The following RBM45 variants were observed in gnomAD, a reference collection of about 807,000 sequenced individuals.
The protein encoded by RBM45 is RNA-binding protein 45.
In RBM45, 39 loss-of-function variants were observed where a neutral mutation model predicts 58.5. The observed-to-expected ratio is 0.67, with a 90% confidence interval of 0.52 to 0.87. RBM45 has a LOEUF of 0.87. Among genes scored for constraint, RBM45 ranks in the 40% least tolerant of loss-of-function variants. The pLI is 0.00. For synonymous variants in RBM45, 193 were observed against 203.0 expected, an observed-to-expected ratio of 0.95 and a Z score of 0.42; for missense variants, 481 against 581.6, an observed-to-expected ratio of 0.83 and a Z score of 1.78.
Position 178,120,455 on chromosome 2 carries a change from A to G in RBM45, c.673+46A>G, listed in dbSNP as rs1002569477. The G allele has an allele frequency of 3.3e-6, 5 of 1,525,764 alleles. No individual in the cohort carries two copies. The Middle Eastern group carries it at 1.1e-3, about 331-fold the overall frequency. The allele number at this position is 1,525,764 out of a possible 1,614,324, so 94.5% of individuals were successfully genotyped here. Reference sequence around the variant, plus strand: ...TTTAATAGTATAATGTAGTATATGCAATCTAATTTGGGTTTTAAAGAATAC... The same window carrying G: ...TTTAATAGTATAATGTAGTATATGCGATCTAATTTGGGTTTTAAAGAATAC... On this transcript the variant is annotated intron_variant, in intron 4 of 9. Coordinates refer to ENST00000286070, the MANE Select transcript of RBM45 (RefSeq NM_152945.4).
chr2:178,117,232 A>G (rs1048042214), intron 2 of RBM45, among the ~76,000 whole-genome samples: 2 of 152,196 alleles, frequency 1.3e-5, no homozygotes, highest in Non-Finnish European at 2.9e-5. Context: ...AAAAATAACA[A>G]ATACCAAAAA....
In RBM45 at chr2:178,112,696, C is replaced by T; in HGVS notation, c.150C>T (p.Asp50=). ...VLRERFSPFG[D]IQDIWVVRDK... ...GGGAGCGCTTCTCGCCTTTTGGCGA[C>T]ATCCAGGACATCTGGGTGGTGCGGG... Residue 50 remains aspartate (D), a synonymous_variant, in exon 1 of 10, where the codon GAC becomes GAT. Coordinates refer to ENST00000286070, the MANE Select transcript of RBM45 (RefSeq NM_152945.4). 6.2e-7 allele frequency: 1 copy of T among 1,614,234 alleles called. No individual in the cohort carries two copies. The highest frequency in any genetic ancestry group is 1.1e-5 in the South Asian group (1 of 91,088).
chr2:178,123,961 AT>A, intron 7 of RBM45, 49 bp downstream of exon 7: 1 of 1,543,974 alleles, frequency 6.5e-7, no homozygotes. Context: ...AGCATATAAA[AT>A]AAATGTGAAG....
chr2:178,138,518 A>G (rs1029622876), exon 4 of RBM45: 1 of 152,176 alleles, frequency 6.6e-6, no homozygotes, highest in African/African-American at 2.4e-5. Context: ...GAATGGAGCA[A>G]TGTCTGTAGT....
Position 178,118,072 on chromosome 2 carries a change from G to C in RBM45, c.441G>C (p.Glu147Asp). 1 of 1,611,050 alleles carries C rather than the reference G, an allele frequency of 6.2e-7. No individual in the cohort carries two copies. The highest frequency in any genetic ancestry group is 1.1e-5 in the South Asian group (1 of 90,702). ...TCTCTTAGGTGTATGGAGATATCGA[G>C]TATTGCAGCATTATTAAGAATAAAG... ...REKFKVYGDIEYCSIIKNKVT... is the reference protein window; with the variant it reads ...REKFKVYGDIDYCSIIKNKVT... The change falls in exon 3 of 10, where the codon GAG becomes GAC. Residue 147 changes from glutamate (E) to aspartate (D), a missense_variant. Glu to Asp is a conservative substitution (Grantham distance 45). Coordinates refer to ENST00000286070, the MANE Select transcript of RBM45 (RefSeq NM_152945.4).
At chr2:178,130,789 T>C (rs532055859), downstream of RBM45, among the ~76,000 whole-genome samples, 59 of 152,340 alleles carry the variant, frequency 3.9e-4, no homozygotes, top group Middle Eastern at 3.4e-3. Flanking sequence ...TAACTGAGTA[T>C]CTTATACTTG....
chr2:178,126,246 G>A, intron 9 of RBM45, 62 bp downstream of exon 9: 3 of 1,057,820 alleles, frequency 2.8e-6, no homozygotes, highest in Non-Finnish European at 1.3e-6. Context: ...AGGAATATGT[G>A]TAAGTACTTT....
chr2:178,136,668 G>C (rs982859202), exon 4 of RBM45: 2 of 152,220 alleles, frequency 1.3e-5, no homozygotes, highest in Non-Finnish European at 2.9e-5. Flanking sequence ...TTGGGGTCGG[G>C]GGGGTGCGGA....
chr2:178,125,890 G>A, intron 8 of RBM45, 94 bp from the exon 9 acceptor site: 1 of 877,248 alleles, frequency 1.1e-6, no homozygotes, highest in Non-Finnish European at 1.9e-6. Flanking sequence ...CTGGGGAGAA[G>A]GGTGAAAATG....
At chr2:178,134,534 CAG>C (rs989026126), downstream of RBM45, among the ~76,000 whole-genome samples, 1 of 151,142 alleles carries the variant, frequency 6.6e-6, no homozygotes, top group East Asian at 1.9e-4. Context: ...TTCATTAGCT[CAG>C]AGTTTTTAAG....
intron 5 of RBM45, among the ~76,000 whole-genome samples, chr2:178,123,286 C>T (rs1437501387): frequency 6.6e-6 from 1 of 152,124 alleles, no homozygotes; most frequent in Non-Finnish European, 1.5e-5. Flanking sequence ...GTTAATATTC[C>T]ATTTTCCCTA....
intron 3 of RBM45, among the ~76,000 whole-genome samples, chr2:178,134,803 C>T (rs1394147888): frequency 6.6e-6 from 1 of 152,058 alleles, no homozygotes; most frequent in African/African-American, 2.4e-5. Flanking sequence ...ACCAGCCTGG[C>T]CAACCTGGTA....
chr2:178,124,280 G>A lies in RBM45; in HGVS notation c.1222G>A (p.Asp408Asn), dbSNP rs769848281. Residue 408 changes from aspartate to asparagine, a missense_variant, in exon 8 of 10, where the codon GAT (aspartate) becomes AAT (asparagine). Physicochemically the swap from Asp to Asn is conservative, Grantham distance 23. Coordinates refer to ENST00000286070, the MANE Select transcript of RBM45 (RefSeq NM_152945.4). ...TCCTTTACCTTTAGACGTATTAGAA[G>A]ATATATTCTGGTAAGAAAGTTACAT... ...PHPLPLDVLE[D>N]IFCRFGNLIE... 1 of 1,532,362 alleles carries A rather than the reference G, an allele frequency of 6.5e-7. No homozygotes were observed. The highest frequency in any genetic ancestry group is 8.8e-7 in the Non-Finnish European group (1 of 1,133,514). The allele number at this position is 1,532,362 out of a possible 1,614,324, so 94.9% of individuals were successfully genotyped here.
At position 178,120,343 on chromosome 2, in the gene RBM45, G is replaced by C; in HGVS notation, c.607G>C (p.Asp203His). The C allele has an allele frequency of 6.2e-7, 1 of 1,613,332 alleles. No homozygotes were observed. Residue 203 changes from aspartate (D) to histidine (H), a missense_variant, in exon 4 of 10, where the codon GAT (aspartate) becomes CAT (histidine). Asp to His is a moderately conservative substitution (Grantham distance 81). Coordinates refer to ENST00000286070, the MANE Select transcript of RBM45 (RefSeq NM_152945.4). ...TAAAGCATCTGAATCCTCTGAACAA[G>C]ATTATTATAGTAATATGAGGCAAGA... is the stretch of plus-strand genomic sequence containing the variant. ...KNKASESSEQ[D>H]YYSNMRQEAL...
At chr2:178,123,432 A>G in intron 5 of RBM45, 90 bp from the exon 6 acceptor site, 2 of 1,340,732 alleles carry the variant, frequency 1.5e-6, no homozygotes, top group Non-Finnish European at 2.0e-6. Context: ...TTAGAGTTCT[A>G]CATGGTTTCA....
chr2:178,116,417 A>T (rs944140238), intron 2 of RBM45, 33 bp downstream of exon 2: 5 of 1,587,282 alleles, frequency 3.2e-6, no homozygotes, highest in Non-Finnish European at 3.4e-6. Context: ...ATATGTGATA[A>T]CTCATAGTCC....
downstream of RBM45, among the ~76,000 whole-genome samples, chr2:178,130,899 C>A (rs1041037832): frequency 6.6e-6 from 1 of 152,132 alleles, no homozygotes; most frequent in Admixed American, 6.5e-5. Context: ...GGCAAAACTG[C>A]TGACAAGAAT....
intron 5 of RBM45, among the ~76,000 whole-genome samples, chr2:178,121,920 T>G (rs150240515): frequency 2.6e-5 from 4 of 152,350 alleles, no homozygotes; most frequent in Non-Finnish European, 5.9e-5. Flanking sequence ...AAACCCATTA[T>G]CTAACATTAG....
Position 178,120,359 on chromosome 2 carries a change from T to C in RBM45, c.623T>C (p.Met208Thr), listed in dbSNP as rs771051432. ...ESSEQDYYSN[M>T]RQEALGHEPR... ...TCTGAACAAGATTATTATAGTAATA[T>C]GAGGCAAGAAGCTTTGGGACATGAA... is the stretch of plus-strand genomic sequence containing the variant. Residue 208 changes from methionine (M) to threonine (T), a missense_variant, in exon 4 of 10, where the codon ATG becomes ACG. Transcript: ENST00000286070. The C allele has an allele frequency of 9.3e-6, 15 of 1,613,296 alleles. No individual in the cohort carries two copies. Among genetic ancestry groups the C allele is most frequent in the Non-Finnish European group, 1.2e-5 (14 of 1,179,566 alleles).
Sources: gnomAD v4.1 joint callset for allele counts (sites outside exome capture counted in the v4.1 genomes callset) on GRCh38, gnomAD v4.1.1 for gene constraint, MANE v1.5 for transcripts, NCBI Gene and HGNC (gene_info 2026-07-23, HGNC 2026-07-21) for gene names.